The following PAXIP1 variants were observed in gnomAD, a reference collection of about 807,000 sequenced individuals.
The protein encoded by PAXIP1 is PAX-interacting protein 1.
PAXIP1 carries 19 observed loss-of-function variants against 140.6 expected under a neutral mutation model. The ratio of observed to expected loss-of-function variants is 0.14; its 90% confidence interval spans 0.09 to 0.20. PAXIP1 has a LOEUF of 0.20. Ranked by LOEUF, PAXIP1 falls within the 10% of genes least tolerant of loss-of-function variation. PAXIP1 has a pLI of 1.00. For synonymous variants in PAXIP1, 442 were observed against 444.6 expected (o/e 0.99, Z 0.07); for missense variants, 920 against 1,208.6 (o/e 0.76, Z 3.54).
Position 154,946,667 on chromosome 7 carries a change from C to T in PAXIP1, c.3057+12G>A, listed in dbSNP as rs1325128010. On this transcript the variant is annotated intron_variant, in intron 18 of 20. Transcript: ENST00000404141. The surrounding 1 kb of genome is among the most constrained non-coding windows in gnomAD (Gnocchi z 4.9). ...CAATGACGGACTCGCTGGCGGACTC[C>T]ACTCTACCCACCGAGTTCTGCTTGT... 1 of 1,613,700 alleles carries T rather than the reference C, an allele frequency of 6.2e-7. No homozygotes were observed. Among genetic ancestry groups the T allele is most frequent in the South Asian group, 1.1e-5 (1 of 91,070 alleles).
intron 2 of PAXIP1, among the ~76,000 whole-genome samples, chr7:154,997,215 T>C (rs888138897): frequency 6.6e-6 from 1 of 152,194 alleles, no homozygotes; most frequent in Admixed American, 6.5e-5. Flanking sequence ...GCAATTTGAC[T>C]TAATGGCAAT....
chr7:154,983,418 A>G (rs565038119), intron 4 of PAXIP1, 86 bp from the exon 5 acceptor site: 4 of 672,570 alleles, frequency 5.9e-6, no homozygotes, highest in Non-Finnish European at 1.1e-5. Flanking sequence ...TACTGCAACA[A>G]TTCTGTTTCT....
intron 1 of PAXIP1, 36 bp downstream of exon 1, chr7:155,002,813 C>CG (rs1810990257): frequency 2.4e-6 from 3 of 1,234,984 alleles, no homozygotes; most frequent in Non-Finnish European, 2.2e-6. Context: ...GGGACGCGGA[C>CG]GGGGGAGGAG....
chr7:154,985,794 T>TG (rs1183395006), intron 4 of PAXIP1, among the ~76,000 whole-genome samples: 3 of 152,216 alleles, frequency 2.0e-5, no homozygotes, highest in African/African-American at 7.2e-5. Flanking sequence ...TGTCCAGTCT[T>TG]GACTATGAAC....
At chr7:154,978,559 T>C (rs1397631728) in intron 5 of PAXIP1, among the ~76,000 whole-genome samples, 1 of 152,222 alleles carries the variant, frequency 6.6e-6, no homozygotes, top group East Asian at 1.9e-4. Flanking sequence ...GATAAATTTC[T>C]ACTAGAGATT....
intron 6 of PAXIP1, among the ~76,000 whole-genome samples, chr7:154,972,405 C>T (rs1809372056): frequency 6.6e-6 from 1 of 152,154 alleles, no homozygotes; most frequent in Non-Finnish European, 1.5e-5. Flanking sequence ...AAGAGAATCG[C>T]CTAAACCAGG....
At chr7:154,992,764 C>T (rs967409419) in intron 3 of PAXIP1, among the ~76,000 whole-genome samples, 25 of 152,206 alleles carry the variant, frequency 1.6e-4, no homozygotes, top group African/African-American at 6.0e-4. Flanking sequence ...ACTCTTTAGG[C>T]TATGTACAAG....
rs1002835360 is a variant in PAXIP1 at position 154,986,137 on chromosome 7, C to T, written c.325-2805G>A. The T allele has an allele frequency of 1.5e-6, 2 of 1,362,544 alleles. No homozygotes were observed. The highest frequency in any genetic ancestry group is 1.5e-5 in the African/African-American group (1 of 67,766). 84.4% of individuals were successfully genotyped at this position (1,362,544 alleles called of 1,614,324 possible). On this transcript the variant is annotated intron_variant, in intron 4 of 20. Coordinates refer to ENST00000404141, the MANE Select transcript of PAXIP1 (RefSeq NM_007349.4). The surrounding 1 kb of genome is among the most constrained non-coding windows in gnomAD (Gnocchi z 4.8). ...CCTTCCCTACCTCTCCCTGGGAGAG[C>T]TCTGGAAGACTCCAACAAAGAGCTC... is the stretch of plus-strand genomic sequence containing the variant.
At chr7:154,962,232 C>A in intron 10 of PAXIP1, 89 bp downstream of exon 10, 1 of 1,427,218 alleles carries the variant, frequency 7.0e-7, no homozygotes, top group East Asian at 2.3e-5. Flanking sequence ...CAGAAGCCAA[C>A]GCAGGAGCCT....
intron 2 of PAXIP1, among the ~76,000 whole-genome samples, chr7:154,997,286 G>A (rs971376204): frequency 4.6e-5 from 7 of 152,058 alleles, no homozygotes; most frequent in African/African-American, 1.4e-4. Flanking sequence ...GTGTTACCCA[G>A]ACTGGAGTAC....
chr7:154,955,887 C>T (rs991694944), intron 14 of PAXIP1, among the ~76,000 whole-genome samples: 1 of 152,242 alleles, frequency 6.6e-6, no homozygotes, highest in Admixed American at 6.5e-5. Context: ...TCAATACTTT[C>T]TTCTTCATCA....
chr7:154,948,232 C>T (rs963603118), intron 16 of PAXIP1: 2 of 499,842 alleles, frequency 4.0e-6, no homozygotes, highest in East Asian at 3.4e-5. Flanking sequence ...TGGTAATTAA[C>T]CATTTGGGGT....
chr7:154,958,268 A>C (rs1808617285), intron 13 of PAXIP1, among the ~76,000 whole-genome samples: 1 of 152,198 alleles, frequency 6.6e-6, no homozygotes, highest in African/African-American at 2.4e-5. Context: ...TCCCTACCAC[A>C]GTCAGCATCT....
At chr7:154,957,749 T>C (rs1032219130) in intron 13 of PAXIP1, among the ~76,000 whole-genome samples, 2 of 151,132 alleles carry the variant, frequency 1.3e-5, no homozygotes, top group African/African-American at 4.9e-5. Flanking sequence ...GGGTGGATCA[T>C]GAGGTCAGGA....
chr7:154,989,269 A>T (rs1810213669), intron 4 of PAXIP1, among the ~76,000 whole-genome samples: 1 of 152,236 alleles, frequency 6.6e-6, no homozygotes, highest in Non-Finnish European at 1.5e-5. Context: ...CCTTTGTATT[A>T]ACTGTTGAGT....
intron 8 of PAXIP1, among the ~76,000 whole-genome samples, chr7:154,966,580 T>C (rs1809032620): frequency 6.6e-6 from 1 of 152,224 alleles, no homozygotes; most frequent in Non-Finnish European, 1.5e-5. Context: ...TCTTTGAGTT[T>C]TGTTGTACTT....
rs1305485827 is a variant in PAXIP1, at chr7:154,973,342, C to T, written c.1074+2354G>A. On this transcript the variant is annotated intron_variant, in intron 6 of 20. Coordinates refer to ENST00000404141, the MANE Select transcript of PAXIP1 (RefSeq NM_007349.4). This position sits in a 1 kb window ranked among gnomAD's most constrained non-coding sequence, Gnocchi z 4.0. ...CTAACGGGCAGCTGCTGTTCAGTTA[C>T]AAGGCACTGTCACCACCCAGGACTT... Among the ~76,000 whole-genome samples the T allele has an allele frequency of 6.6e-6, 1 of 152,198 alleles. No homozygotes were observed. Among genetic ancestry groups the T allele is most frequent in the Non-Finnish European group, 1.5e-5 (1 of 68,030 alleles).
intron 6 of PAXIP1, among the ~76,000 whole-genome samples, chr7:154,972,472 G>C (rs1006401779): frequency 1.3e-5 from 2 of 152,188 alleles, no homozygotes; most frequent in African/African-American, 4.8e-5. Context: ...CTGGGCAACA[G>C]AGTGAGACTC....
intron 8 of PAXIP1, among the ~76,000 whole-genome samples, chr7:154,966,220 A>C (rs1333858888): frequency 6.6e-6 from 1 of 152,212 alleles, no homozygotes; most frequent in Non-Finnish European, 1.5e-5. Flanking sequence ...TCCCTCAAAA[A>C]TGGAAGAAGC....
Sources: allele counts gnomAD v4.1 joint callset (sites outside exome capture counted in the v4.1 genomes callset), GRCh38; gene constraint gnomAD v4.1.1; non-coding constraint Gnocchi (gnomAD v3.1); transcripts MANE v1.5; gene names NCBI Gene and HGNC (gene_info 2026-07-23, HGNC 2026-07-21).